FHL2: variants seen among roughly 807,000 people sequenced by gnomAD.
FHL2 encodes the protein four and a half LIM domains protein 2.
In FHL2, 20 loss-of-function variants were observed where a neutral mutation model predicts 32.7. That is an observed-to-expected ratio of 0.61 (90% CI 0.43 to 0.89). The LOEUF is 0.89. Among genes scored for constraint, FHL2 ranks in the 40% least tolerant of loss-of-function variants. The pLI is 0.00. For synonymous variants in FHL2, 123 were observed against 128.1 expected, an observed-to-expected ratio of 0.96 and a Z score of 0.27; for missense variants, 311 against 358.6, an observed-to-expected ratio of 0.87 and a Z score of 1.07.
intron 1 of FHL2, among the ~76,000 whole-genome samples, chr2:105,429,572 C>T (rs1019751779): frequency 1.3e-5 from 2 of 152,208 alleles, no homozygotes; most frequent in Admixed American, 6.5e-5. Flanking sequence ...GGGAAACATT[C>T]CTTCTCTAGA....
chr2:105,373,380 G>T (rs576195908), intron 4 of FHL2, 179 bp downstream of exon 4: 80 of 660,422 alleles, frequency 1.2e-4, no homozygotes, highest in East Asian at 1.1e-3. Context: ...TACTGCCCAT[G>T]ATAGAACCTG....
chr2:105,437,323 C>T (rs896744689), intron 1 of FHL2, among the ~76,000 whole-genome samples: 4 of 152,042 alleles, frequency 2.6e-5, no homozygotes, highest in Non-Finnish European at 5.9e-5. Context: ...TCCTGGATAC[C>T]CCAAAACCCT....
intron 1 of FHL2, chr2:105,438,337 G>A: frequency 1.0e-6 from 1 of 983,752 alleles, no homozygotes. Context: ...AGCTGCTGCA[G>A]AGACAGGCTG....
chr2:105,372,071 G>A (rs1573301879), intron 4 of FHL2, among the ~76,000 whole-genome samples: 1 of 152,158 alleles, frequency 6.6e-6, no homozygotes, highest in East Asian at 1.9e-4. Flanking sequence ...GGCTGGGACT[G>A]TGTCAGCCTG....
chr2:105,424,991 G>A (rs971345227), intron 1 of FHL2, among the ~76,000 whole-genome samples: 2 of 151,840 alleles, frequency 1.3e-5, no homozygotes, highest in African/African-American at 4.8e-5. Flanking sequence ...TGCACATTCC[G>A]TACATGTACC....
intron 4 of FHL2, 142 bp from the exon 5 acceptor site, chr2:105,367,881 G>T: frequency 1.3e-6 from 1 of 743,752 alleles, no homozygotes; most frequent in Admixed American, 3.1e-5. Context: ...GCCTCTACAT[G>T]GAGGTAATTC....
At chr2:105,366,148 T>C (rs1168772969) in intron 5 of FHL2, among the ~76,000 whole-genome samples, 1 of 151,570 alleles carries the variant, frequency 6.6e-6, no homozygotes. Context: ...AGGCGGAGGT[T>C]GCAGTGAGCC....
intron 1 of FHL2, among the ~76,000 whole-genome samples, chr2:105,436,012 A>G (rs1684597717): frequency 1.3e-5 from 2 of 152,196 alleles, no homozygotes; most frequent in African/African-American, 4.8e-5. Flanking sequence ...CTATAACAAA[A>G]GTCCTGTGTT....
At chr2:105,409,036 G>A (rs78685595) in intron 1 of FHL2, among the ~76,000 whole-genome samples, 2 of 152,140 alleles carry the variant, frequency 1.3e-5, no homozygotes, top group Admixed American at 1.3e-4. Flanking sequence ...GGTGGGGGTA[G>A]GAATGGCTGA....
intron 5 of FHL2, 30 bp downstream of exon 5, chr2:105,367,540 G>A (rs763525090): frequency 1.2e-5 from 19 of 1,580,918 alleles, no homozygotes; most frequent in African/African-American, 5.4e-5. Flanking sequence ...CAGCCAGAAC[G>A]TGCAAGGGCC....
intron 1 of FHL2, among the ~76,000 whole-genome samples, chr2:105,412,123 C>A (rs1324064813): frequency 6.6e-6 from 1 of 152,192 alleles, no homozygotes; most frequent in Non-Finnish European, 1.5e-5. Flanking sequence ...GAAGAAATAC[C>A]TGCACACTCA....
At chr2:105,396,556 C>A (rs573827210) in intron 2 of FHL2, 91 bp downstream of exon 2, 18 of 1,172,132 alleles carry the variant, frequency 1.5e-5, no homozygotes, top group Non-Finnish European at 2.3e-5. Flanking sequence ...CACCGCATGG[C>A]CCAGTCAAGT....
intron 4 of FHL2, among the ~76,000 whole-genome samples, chr2:105,370,214 CCA>C (rs1558686496): frequency 7.9e-5 from 12 of 151,636 alleles, no homozygotes; most frequent in Admixed American, 4.6e-4. Flanking sequence ...CTCTACCCCC[CCA>C]AAAAAAAAAT....
chr2:105,399,949 T>A (rs1462400878), upstream of FHL2, among the ~76,000 whole-genome samples: 1 of 152,160 alleles, frequency 6.6e-6, no homozygotes, highest in East Asian at 1.9e-4. Context: ...TAGGAATACA[T>A]CCTCCAGAGA....
At chr2:105,420,197 G>A (rs1243262185) in intron 1 of FHL2, among the ~76,000 whole-genome samples, 3 of 152,206 alleles carry the variant, frequency 2.0e-5, no homozygotes, top group Non-Finnish European at 2.9e-5. Context: ...TCCCTTCTGA[G>A]GGCTGTGAGG....
rs1680727457 is a variant in FHL2 at position 105,367,633 on chromosome 2, ATTGTCT to A, written c.432_437del (p.Lys144_Asp145del). 6.2e-7 allele frequency: 1 copy of A among 1,613,972 alleles called. No homozygotes were observed. The highest frequency in any genetic ancestry group is 8.5e-7 in the Non-Finnish European group (1 of 1,180,016). ...CATAGCAGGGCACACAGAAATTCTG[ATTGTCT>A]TTGGGGATGAAACTCTTGGTTCCAA... On this transcript the variant is annotated inframe_deletion, in exon 5 of 7. Transcript: ENST00000530340.
chr2:105,422,826 A>G (rs952892308), intron 1 of FHL2, among the ~76,000 whole-genome samples: 1 of 152,190 alleles, frequency 6.6e-6, no homozygotes, highest in Non-Finnish European at 1.5e-5. Flanking sequence ...GTTGCATTGT[A>G]CAAGATACCA....
chr2:105,373,533 C>T lies in FHL2; in HGVS notation c.331+26G>A, dbSNP rs537294000. ...CAAGGCTTGAAGCTAGACTGGCTCACGCATGAGAAAGGAGTGCCTCCTGAC... is the reference window on the plus strand; with the variant it reads ...CAAGGCTTGAAGCTAGACTGGCTCATGCATGAGAAAGGAGTGCCTCCTGAC... On this transcript the variant is annotated intron_variant, in intron 4 of 6. Transcript: ENST00000530340. 2.5e-5 allele frequency: 40 copies of T among 1,613,650 alleles called. No individual in the cohort carries two copies. The East Asian group carries it at 5.6e-4, about 22-fold the overall frequency.
chr2:105,384,437 A>T (rs1450436010), intron 3 of FHL2, among the ~76,000 whole-genome samples: 1 of 152,322 alleles, frequency 6.6e-6, no homozygotes, highest in East Asian at 1.9e-4. Context: ...GAAGAGTACG[A>T]GTGCGAGTGC....
Sources: allele counts gnomAD v4.1 joint callset (sites outside exome capture counted in the v4.1 genomes callset), GRCh38; gene constraint gnomAD v4.1.1; transcripts MANE v1.5; gene names NCBI Gene and HGNC (gene_info 2026-07-23, HGNC 2026-07-21).